The following CEACAM20 variants were observed in gnomAD, a reference collection of about 807,000 sequenced individuals.
CEACAM20 encodes the protein cell adhesion molecule CEACAM20.
In CEACAM20, 50 loss-of-function variants were observed where a neutral mutation model predicts 61.2. The observed-to-expected ratio is 0.82, with a 90% CI of 0.65 to 1.03. The LOEUF (loss-of-function observed/expected upper bound fraction) is 1.03, where lower values mean the gene tolerates loss of function less well. Ranked by LOEUF, CEACAM20 falls within the 50% of genes least tolerant of loss-of-function variation. The pLI, the probability that CEACAM20 is intolerant of heterozygous loss-of-function variation, is 0.00. For missense variants in CEACAM20, 683 were observed against 736.4 expected, an observed-to-expected ratio of 0.93 and a Z score of 0.84; for synonymous variants, 282 against 287.7, an observed-to-expected ratio of 0.98 and a Z score of 0.20.
chr19:44,511,495 G>A, intron 10 of CEACAM20, 142 bp downstream of exon 10: 1 of 864,606 alleles, frequency 1.2e-6, no homozygotes, highest in Non-Finnish European at 1.8e-6. Flanking sequence ...TGAGGCCTTA[G>A]GCTACTCTCT....
chr19:44,511,301 C>T, intron 10 of CEACAM20, 146 bp from the exon 11 acceptor site: 1 of 1,198,152 alleles, frequency 8.3e-7, no homozygotes, highest in Non-Finnish European at 1.2e-6. Flanking sequence ...GGTTAGAACC[C>T]AGGCCCTTGC....
At chr19:44,527,344 A>G (rs1881044) in intron 1 of CEACAM20, among the ~76,000 whole-genome samples, 54,543 of 151,996 alleles carry the variant, frequency 0.36, 10,562 homozygotes, top group East Asian at 0.6. Flanking sequence ...CTCAAATGCT[A>G]TTAGAGGTTA....
At position 44,517,039 on chromosome 19, in the gene CEACAM20, G is replaced by A; in HGVS notation, c.1216C>T (p.Leu406=). 1 of 1,601,462 alleles carries A rather than the reference G, an allele frequency of 6.2e-7. No individual in the cohort carries two copies. The highest frequency in any genetic ancestry group is 1.1e-5 in the South Asian group (1 of 88,740). Reference sequence around the variant, plus strand: ...TAGATCCCGTCGTGTTCCCAGGTCAGAGCCCTGATAATCAGCTGCTCACCC... The same window carrying A: ...TAGATCCCGTCGTGTTCCCAGGTCAAAGCCCTGATAATCAGCTGCTCACCC... The part of the protein sequence containing the change: ...HLGEQLIIRA[L]TWEHDGIYNC... Residue 406 remains leucine, a synonymous_variant, in exon 6 of 12, where the codon CTG becomes TTG. Coordinates refer to ENST00000614924, the MANE Select transcript of CEACAM20 (RefSeq NM_001102597.3).
rs1971014627 is a variant in CEACAM20, at chr19:44,511,999, C to T, written c.1575+18G>A. The T allele has an allele frequency of 6.2e-7, 1 of 1,602,948 alleles. No homozygotes were observed. On this transcript the variant is annotated intron_variant, in intron 9 of 11. Coordinates refer to ENST00000614924, the MANE Select transcript of CEACAM20 (RefSeq NM_001102597.3). ...TGGTCAGGGGATCAAGGAGGGTTCC[C>T]TCTGCAGCATCACTCACCAGTTCGA...
At chr19:44,525,878 T>C (rs754427413) in intron 1 of CEACAM20, among the ~76,000 whole-genome samples, 1 of 152,264 alleles carries the variant, frequency 6.6e-6, no homozygotes, top group Non-Finnish European at 1.5e-5. Flanking sequence ...ATAGTCACTG[T>C]GTTCTCTCCA....
In CEACAM20 at chr19:44,510,611, A is replaced by AGAAAGAAAGAAAGGAAGG. The variant is rs71171251; in HGVS notation, c.1737+418_1737+419insCCTTCCTTTCTTTCTTTC. ...AAGAAAGAAAGAAAGAAAGAAAGAA[A>AGAAAGAAAGAAAGGAAGG]AAGGAAGGAAGGAAGAAAGAAAGAG... On this transcript the variant is annotated intron_variant, in intron 11 of 11. Coordinates refer to ENST00000614924, the MANE Select transcript of CEACAM20 (RefSeq NM_001102597.3). Among the ~76,000 whole-genome samples the AGAAAGAAAGAAAGGAAGG allele has an allele frequency of 1.8e-3, 131 of 72,398 alleles. 4 individuals carry two copies. Among genetic ancestry groups the AGAAAGAAAGAAAGGAAGG allele is most frequent in the African/African-American group, 6.3e-3 (98 of 15,652 alleles). 47.5% of individuals were successfully genotyped at this position (72,398 alleles called of 152,430 possible).
chr19:44,513,036 T>C, intron 7 of CEACAM20, 83 bp from the exon 8 acceptor site: 2 of 1,348,306 alleles, frequency 1.5e-6, no homozygotes, highest in South Asian at 1.3e-5. Context: ...ATGTCCATTC[T>C]TGAACAATGC....
intron 11 of CEACAM20, among the ~76,000 whole-genome samples, chr19:44,508,128 T>C (rs752341986): frequency 2.0e-5 from 3 of 152,166 alleles, no homozygotes; most frequent in Non-Finnish European, 4.4e-5. Flanking sequence ...CAGTAGGACA[T>C]GGATTTGAGC....
chr19:44,522,569 T>C (rs1971396562), intron 4 of CEACAM20, 65 bp downstream of exon 4: 1 of 1,549,246 alleles, frequency 6.5e-7, no homozygotes, highest in Non-Finnish European at 8.7e-7. Context: ...TCCTGGTTCC[T>C]TCTGACATGG....
chr19:44,516,513 G>A (rs968841724), intron 6 of CEACAM20, among the ~76,000 whole-genome samples: 4 of 152,084 alleles, frequency 2.6e-5, no homozygotes, highest in African/African-American at 9.7e-5. Flanking sequence ...CCTTTTGCTT[G>A]GTTCTCATTC....
At chr19:44,520,229 C>A (rs1007733258) in intron 5 of CEACAM20, among the ~76,000 whole-genome samples, 2 of 152,204 alleles carry the variant, frequency 1.3e-5, no homozygotes, top group African/African-American at 4.8e-5. Flanking sequence ...GCCAGTGAGA[C>A]CCTGTGAAAG....
chr19:44,512,986 T>A (rs1214384660), intron 7 of CEACAM20, 33 bp from the exon 8 acceptor site: 1 of 1,565,518 alleles, frequency 6.4e-7, no homozygotes, highest in Non-Finnish European at 8.7e-7. Context: ...ATTCTGTGCC[T>A]CTAGTCCTTG....
intron 11 of CEACAM20, among the ~76,000 whole-genome samples, chr19:44,508,475 C>T (rs990319518): frequency 1.6e-4 from 25 of 152,134 alleles, no homozygotes; most frequent in African/African-American, 5.1e-4. Flanking sequence ...CTGCAACCTC[C>T]GCCTCCCAGG....
chr19:44,520,799 C>T lies in CEACAM20; in HGVS notation c.752-47G>A. On this transcript the variant is annotated intron_variant, in intron 4 of 11. Transcript: ENST00000614924. The stretch of plus-strand genomic sequence containing the variant: ...CAGTCAGGTTCAGGGAGATTTCCCT[C>T]ATCTCCTGCCCTTGTGGGGCCCACA... 2.5e-6 allele frequency: 4 copies of T among 1,576,022 alleles called. No individual in the cohort carries two copies. In the South Asian group the frequency reaches 3.5e-5, roughly 14 times the overall value.
At chr19:44,526,399 A>G (rs1362490186) in intron 1 of CEACAM20, among the ~76,000 whole-genome samples, 1 of 152,028 alleles carries the variant, frequency 6.6e-6, no homozygotes, top group East Asian at 1.9e-4. Context: ...AGTCCCAGCT[A>G]CAGTCTGAAA....
rs1971453800 is a variant in CEACAM20 at position 44,524,114 on chromosome 19, T to C, written c.344A>G (p.Gln115Arg). 1 of 1,609,538 alleles carries C rather than the reference T, an allele frequency of 6.2e-7. No individual in the cohort carries two copies. The highest frequency in any genetic ancestry group is 2.2e-5 in the East Asian group (1 of 44,830). Residue 115 changes from glutamine to arginine, a missense_variant, in exon 3 of 12, where the codon CAG becomes CGG. Gln to Arg is a conservative substitution (Grantham distance 43). Coordinates refer to ENST00000614924, the MANE Select transcript of CEACAM20 (RefSeq NM_001102597.3). ...NLSIVFHERM[Q>R]LSKDGKILTI... The stretch of plus-strand genomic sequence containing the variant: ...GAGGATCTTGCCATCCTTGGACAGC[T>C]GCATGCGCTCATGGAACACAATGGA...
chr19:44,529,484 T>C lies in CEACAM20; in HGVS notation c.26A>G (p.His9Arg). Residue 9 changes from histidine (H) to arginine (R), a missense_variant, in exon 1 of 12, where the codon CAC becomes CGC. Physicochemically the swap from His to Arg is conservative, Grantham distance 29. Transcript: ENST00000614924. MGPADSWG[H>R]HWMGILLSAS... is the part of the protein sequence containing the mutation. ...TGAAAGCAGGATTCCCATCCAGTGGTGTCCCCATGAGTCAGCAGGCCCCAT... is the reference window on the plus strand; with the variant it reads ...TGAAAGCAGGATTCCCATCCAGTGGCGTCCCCATGAGTCAGCAGGCCCCAT... 1.2e-6 allele frequency: 2 copies of C among 1,613,764 alleles called. No individual in the cohort carries two copies. The highest frequency in any genetic ancestry group is 1.7e-6 in the Non-Finnish European group (2 of 1,179,850).
At chr19:44,528,136 C>CTTTCTTTCT (rs1329147582) in intron 1 of CEACAM20, among the ~76,000 whole-genome samples, 1 of 140,222 alleles carries the variant, frequency 7.1e-6, no homozygotes, top group Admixed American at 7.2e-5. Flanking sequence ...ACTGGTATCT[C>CTTTCTTTCT]TTTCTTTCTT....
At chr19:44,517,341 C>G in intron 5 of CEACAM20, 117 bp from the exon 6 acceptor site, 1 of 1,246,906 alleles carries the variant, frequency 8.0e-7, no homozygotes, top group Non-Finnish European at 1.1e-6. Flanking sequence ...CTCCCTTTTC[C>G]TCCTTAGCTC....
Sources: gnomAD v4.1 joint callset for allele counts (sites outside exome capture counted in the v4.1 genomes callset) on GRCh38, gnomAD v4.1.1 for gene constraint, MANE v1.5 for transcripts, NCBI Gene and HGNC (gene_info 2026-07-23, HGNC 2026-07-21) for gene names.